The following TSPAN15 variants were observed in gnomAD, a reference collection of about 807,000 sequenced individuals.
TSPAN15 encodes the protein tetraspanin 15, also known as tetraspanin-15.
A neutral mutation model predicts 34.5 loss-of-function variants in TSPAN15; 20 were observed. The observed-to-expected ratio is 0.58, with a 90% CI of 0.41 to 0.84. TSPAN15 has a LOEUF of 0.84. Among genes scored for constraint, TSPAN15 ranks in the 40% least tolerant of loss-of-function variants. TSPAN15 has a pLI of 0.00. For missense variants in TSPAN15, 313 were observed against 386.1 expected (o/e 0.81, Z 1.59); for synonymous variants, 155 against 153.9 (o/e 1.01, Z -0.05).
At chr10:69,455,117 G>A (rs1032685082) in intron 1 of TSPAN15, among the ~76,000 whole-genome samples, 10 of 146,500 alleles carry the variant, frequency 6.8e-5, no homozygotes, top group African/African-American at 2.6e-4. Context: ...AGCCTAGATA[G>A]CGCCACTGCA....
chr10:69,515,851 C>A, the TSPAN15 span, among the ~76,000 whole-genome samples: 2 of 152,238 alleles, frequency 1.3e-5, no homozygotes, highest in African/African-American at 4.8e-5. Flanking sequence ...GCAGCCAGCA[C>A]TCAGCAACTC....
chr10:69,548,772 CTTGG>C, the TSPAN15 span, among the ~76,000 whole-genome samples: 1 of 152,098 alleles, frequency 6.6e-6, no homozygotes, highest in Non-Finnish European at 1.5e-5. Flanking sequence ...AGGACAATTA[CTTGG>C]GAGAAGTAAG....
intron 1 of TSPAN15, among the ~76,000 whole-genome samples, chr10:69,455,626 C>CG (rs1491105874): frequency 2.2e-5 from 1 of 45,104 alleles, no homozygotes; most frequent in Admixed American, 2.0e-4. Context: ...CTCTCTCTCT[C>CG]CCCCCCCCGT....
At chr10:69,509,209 T>C (rs925120125), downstream of TSPAN15, among the ~76,000 whole-genome samples, 1 of 152,078 alleles carries the variant, frequency 6.6e-6, no homozygotes, top group African/African-American at 2.4e-5. Flanking sequence ...CTTCCCTCTT[T>C]CCAGCACCAC....
At chr10:69,484,406 G>A (rs1256337020) in intron 2 of TSPAN15, among the ~76,000 whole-genome samples, 3 of 152,214 alleles carry the variant, frequency 2.0e-5, no homozygotes, top group Non-Finnish European at 4.4e-5. Context: ...GGCCTGGCTT[G>A]GGCCATGTGC....
chr10:69,537,912 A>G, the TSPAN15 span, among the ~76,000 whole-genome samples: 1 of 152,184 alleles, frequency 6.6e-6, no homozygotes, highest in Non-Finnish European at 1.5e-5. Context: ...GCCTTAAGCA[A>G]CAGACATTTA....
chr10:69,460,009 T>G, intron 1 of TSPAN15, among the ~76,000 whole-genome samples: 2 of 135,138 alleles, frequency 1.5e-5, no homozygotes, highest in African/African-American at 2.8e-5. Flanking sequence ...TGCTCAGGGG[T>G]AGTTGGGGAG....
intron 3 of TSPAN15, chr10:69,495,007 CAGTGATGAG>C (rs1262518273): frequency 3.4e-5 from 14 of 411,128 alleles, no homozygotes; most frequent in Non-Finnish European, 4.6e-5. Context: ...CCGAGTGCTG[CAGTGATGAG>C]GAGAACAGCC....
At chr10:69,543,226 G>T in the TSPAN15 span, among the ~76,000 whole-genome samples, 4 of 152,078 alleles carry the variant, frequency 2.6e-5, no homozygotes, top group African/African-American at 4.8e-5. Context: ...TTCTGATTTG[G>T]TCTCCACCAC....
At chr10:69,540,545 C>A in the TSPAN15 span, among the ~76,000 whole-genome samples, 1 of 152,088 alleles carries the variant, frequency 6.6e-6, no homozygotes, top group African/African-American at 2.4e-5. Context: ...AGGTCCCCAG[C>A]GACAAAATGT....
chr10:69,523,712 G>T, the TSPAN15 span: 1 of 180,206 alleles, frequency 5.5e-6, no homozygotes, highest in South Asian at 1.1e-4. Flanking sequence ...GAAACTCATT[G>T]GCCATAAATA....
intron 1 of TSPAN15, among the ~76,000 whole-genome samples, chr10:69,476,358 A>G (rs945292312): frequency 2.0e-5 from 3 of 152,176 alleles, no homozygotes; most frequent in African/African-American, 7.2e-5. Flanking sequence ...CAGTGGGGAC[A>G]GAAGGACTGG....
the TSPAN15 span, among the ~76,000 whole-genome samples, chr10:69,543,844 A>AGTATGTGTGTGTGTGTGTGTGTGTGT: frequency 1.4e-5 from 1 of 73,738 alleles, no homozygotes; most frequent in African/African-American, 5.7e-5. Context: ...GAAGAAGGGG[A>AGTATGTGTGTGTGTGTGTGTGTGTGT]GTGTGTGTGT....
Position 69,451,897 on chromosome 10 carries a change from T to C in TSPAN15, c.96+207T>C, listed in dbSNP as rs539496308. Among the ~76,000 whole-genome samples the C allele has an allele frequency of 2.7e-5, 4 of 147,328 alleles. No individual in the cohort carries two copies. The East Asian group carries it at 8.0e-4, about 29-fold the overall frequency. On this transcript the variant is annotated intron_variant, in intron 1 of 7. Coordinates refer to ENST00000373290, the MANE Select transcript of TSPAN15 (RefSeq NM_012339.5). The stretch of plus-strand genomic sequence containing the variant: ...GCCCTTTCGGGAGTGTGAGAGCCGG[T>C]TGTCGACCGACCGAGTGCCACCTGG...
At chr10:69,471,665 G>A (rs1312953950) in intron 1 of TSPAN15, among the ~76,000 whole-genome samples, 1 of 149,022 alleles carries the variant, frequency 6.7e-6, no homozygotes, top group East Asian at 2.0e-4. Flanking sequence ...TGCAATCTCG[G>A]CTCACTGCAG....
chr10:69,527,162 AATAC>A, the TSPAN15 span, among the ~76,000 whole-genome samples: 3 of 148,196 alleles, frequency 2.0e-5, 1 homozygote, highest in Admixed American at 1.4e-4. Context: ...CTGAAATTCT[AATAC>A]ATACTACAGC....
At position 69,506,010 on chromosome 10, in the gene TSPAN15, A is replaced by G; in HGVS notation, c.619-114A>G. On this transcript the variant is annotated intron_variant, in intron 6 of 7. Transcript: ENST00000373290. This position sits in a 1 kb window ranked among gnomAD's most constrained non-coding sequence, Gnocchi z 4.7. Reference sequence around the variant, plus strand: ...TTCTCATGCTGCATATGGGAAACTGAGGATCACAGCGGTTGAGGGACTAGC... The same window carrying G: ...TTCTCATGCTGCATATGGGAAACTGGGGATCACAGCGGTTGAGGGACTAGC... The G allele has an allele frequency of 1.3e-6, 1 of 770,704 alleles. No homozygotes were observed. The highest frequency in any genetic ancestry group is 1.7e-5 in the South Asian group (1 of 59,550). The allele number at this position is 770,704 out of a possible 1,614,324, so 47.7% of individuals were successfully genotyped here.
the TSPAN15 span, among the ~76,000 whole-genome samples, chr10:69,517,177 T>C: frequency 2.6e-5 from 4 of 152,232 alleles, no homozygotes; most frequent in Non-Finnish European, 5.9e-5. Flanking sequence ...GTGGCTGCGC[T>C]CTCCCTTCCT....
intron 1 of TSPAN15, among the ~76,000 whole-genome samples, chr10:69,465,640 A>G (rs973605782): frequency 1.3e-5 from 2 of 152,158 alleles, no homozygotes; most frequent in Admixed American, 6.5e-5. Context: ...CACTTGGGAA[A>G]GAGATGCTCA....
Sources: allele counts gnomAD v4.1 joint callset (sites outside exome capture counted in the v4.1 genomes callset), GRCh38; gene constraint gnomAD v4.1.1; non-coding constraint Gnocchi (gnomAD v3.1); transcripts MANE v1.5; gene names NCBI Gene and HGNC (gene_info 2026-07-23, HGNC 2026-07-21).